PCDH15: variants seen among roughly 807,000 people sequenced by gnomAD.
The protein encoded by PCDH15 is protocadherin-15.
Under a neutral mutation model 178.5 loss-of-function variants are expected in PCDH15, and 129 were observed. The ratio of observed to expected loss-of-function variants is 0.72; its 90% CI spans 0.63 to 0.84. PCDH15 has a LOEUF of 0.84. Ranked by LOEUF, PCDH15 falls within the 40% of genes least tolerant of loss-of-function variation. The pLI is 0.00. For synonymous variants in PCDH15, 800 were observed against 732.0 expected, an observed-to-expected ratio of 1.09 and a Z score of -1.50; for missense variants, 2,230 against 2,099.9, an observed-to-expected ratio of 1.06 and a Z score of -1.21.
At chr10:55,029,346 A>G (rs1008216918) in intron 2 of PCDH15, among the ~76,000 whole-genome samples, 1 of 152,056 alleles carries the variant, frequency 6.6e-6, no homozygotes. Flanking sequence ...ATGTATATAT[A>G]TAAATACAAT....
intron 18 of PCDH15, among the ~76,000 whole-genome samples, chr10:54,053,416 C>T (rs1274336422): frequency 5.3e-5 from 8 of 152,142 alleles, no homozygotes; most frequent in African/African-American, 1.9e-4. Flanking sequence ...AAATTTCTAA[C>T]ATCAATCTCT....
At chr10:55,338,441 A>G (rs1314134841) in intron 2 of PCDH15, among the ~76,000 whole-genome samples, 1 of 152,210 alleles carries the variant, frequency 6.6e-6, no homozygotes. Flanking sequence ...GGTAGTACAC[A>G]TACACAAAAG....
At chr10:55,380,882 C>CA (rs1156437314) in intron 2 of PCDH15, among the ~76,000 whole-genome samples, 1 of 152,020 alleles carries the variant, frequency 6.6e-6, no homozygotes, top group African/African-American at 2.4e-5. Flanking sequence ...GATTTGATGA[C>CA]AAAAGTGAGA....
At chr10:54,265,135 G>GA (rs1011785715) in intron 8 of PCDH15, among the ~76,000 whole-genome samples, 9 of 152,074 alleles carry the variant, frequency 5.9e-5, no homozygotes, top group African/African-American at 1.7e-4. Context: ...AGACATTCCA[G>GA]AAAAAAACAT....
chr10:54,455,783 G>T (rs372417110), intron 3 of PCDH15, among the ~76,000 whole-genome samples: 35 of 152,202 alleles, frequency 2.3e-4, no homozygotes, highest in African/African-American at 7.2e-4. Flanking sequence ...GGGAAAAATG[G>T]TTTTGTGCCC....
intron 3 of PCDH15, among the ~76,000 whole-genome samples, chr10:54,506,655 A>G (rs932712175): frequency 1.3e-5 from 2 of 152,074 alleles, no homozygotes; most frequent in African/African-American, 4.8e-5. Context: ...TCAGTTGACT[A>G]AACTGTGAGT....
At chr10:54,397,248 A>T (rs946990043) in intron 3 of PCDH15, among the ~76,000 whole-genome samples, 8 of 152,054 alleles carry the variant, frequency 5.3e-5, no homozygotes, top group African/African-American at 1.9e-4. Flanking sequence ...GGGATGTCTT[A>T]AAAAACTTGG....
intron 3 of PCDH15, among the ~76,000 whole-genome samples, chr10:54,824,315 A>G (rs891390210): frequency 6.6e-5 from 10 of 152,154 alleles, no homozygotes; most frequent in Admixed American, 2.0e-4. Context: ...GCCAGAAGTA[A>G]AAGTCCTTGT....
At chr10:55,284,866 T>C (rs1288580517) in intron 1 of PCDH15, among the ~76,000 whole-genome samples, 5 of 151,980 alleles carry the variant, frequency 3.3e-5, no homozygotes, top group African/African-American at 1.2e-4. Flanking sequence ...ATATGGTTTA[T>C]GTAGTGCTAA....
chr10:55,474,482 C>A (rs879325673), intron 2 of PCDH15, among the ~76,000 whole-genome samples: 1 of 152,150 alleles, frequency 6.6e-6, no homozygotes, highest in African/African-American at 2.4e-5. Flanking sequence ...GATGAGTTTT[C>A]CTGAGTTAGC....
intron 18 of PCDH15, among the ~76,000 whole-genome samples, chr10:54,048,724 C>T (rs556286051): frequency 8.2e-4 from 124 of 152,086 alleles, no homozygotes; most frequent in African/African-American, 2.8e-3. Context: ...CATTCTGTTC[C>T]GTTAACCTAT....
intron 2 of PCDH15, among the ~76,000 whole-genome samples, chr10:55,581,778 G>T (rs1842619971): frequency 6.6e-6 from 1 of 152,110 alleles, no homozygotes; most frequent in Non-Finnish European, 1.5e-5. Flanking sequence ...AATTAAATAA[G>T]AAATCCACTA....
intron 2 of PCDH15, among the ~76,000 whole-genome samples, chr10:54,653,502 T>A (rs1406876494): frequency 6.6e-6 from 1 of 152,194 alleles, no homozygotes; most frequent in East Asian, 1.9e-4. Context: ...TATTAGCATC[T>A]GGTAATGGCT....
intron 3 of PCDH15, among the ~76,000 whole-genome samples, chr10:54,868,691 T>G (rs538943468): frequency 6.6e-6 from 1 of 152,322 alleles, no homozygotes; most frequent in African/African-American, 2.4e-5. Context: ...AGCAAAACTG[T>G]TCTTTATATT....
chr10:55,089,581 TTCCGCTTCTTAC>T (rs1842263074), intron 2 of PCDH15, among the ~76,000 whole-genome samples: 1 of 152,090 alleles, frequency 6.6e-6, no homozygotes. Context: ...AATAAACAAA[TTCCGCTTCTTAC>T]ATAATAACCT....
intron 26 of PCDH15, among the ~76,000 whole-genome samples, chr10:53,902,629 A>G (rs564971909): frequency 1.3e-5 from 2 of 152,286 alleles, no homozygotes; most frequent in South Asian, 4.1e-4. Flanking sequence ...ACATTTGATT[A>G]TAAACTATTA....
chr10:55,602,911 A>G (rs1450971682), intron 2 of PCDH15, among the ~76,000 whole-genome samples: 3 of 152,322 alleles, frequency 2.0e-5, no homozygotes, highest in East Asian at 3.9e-4. Context: ...GAGCTGAGAG[A>G]AGAAGGCTTC....
At chr10:55,122,981 A>T (rs1837807474) in intron 2 of PCDH15, among the ~76,000 whole-genome samples, 1 of 151,922 alleles carries the variant, frequency 6.6e-6, no homozygotes, top group African/African-American at 2.4e-5. Flanking sequence ...AAAGTGAAAT[A>T]AAATAATTTA....
chr10:54,987,038 C>A (rs1313763752), intron 2 of PCDH15, among the ~76,000 whole-genome samples: 1 of 152,088 alleles, frequency 6.6e-6, no homozygotes, highest in Non-Finnish European at 1.5e-5. Context: ...CCAACAGGCC[C>A]CAATGTGTGA....
Sources: allele counts gnomAD v4.1 joint callset (sites outside exome capture counted in the v4.1 genomes callset), GRCh38; gene constraint gnomAD v4.1.1; transcripts MANE v1.5; gene names NCBI Gene and HGNC (gene_info 2026-07-23, HGNC 2026-07-21).